Variants in ECT2 observed in about 807,000 individuals in gnomAD.
ECT2 encodes epithelial cell transforming 2, also known as protein ECT2.
Under a neutral mutation model 116.9 loss-of-function variants are expected in ECT2, and 61 were observed. The ratio of observed to expected loss-of-function variants is 0.52; its 90% confidence interval spans 0.42 to 0.65. ECT2 has a LOEUF of 0.65. Ranked by LOEUF, ECT2 falls within the 30% of genes least tolerant of loss-of-function variation. ECT2 has a pLI of 0.00. For missense variants in ECT2, 937 were observed against 1,078.7 expected (o/e 0.87, Z 1.84); for synonymous variants, 358 against 346.4 (o/e 1.03, Z -0.37).
rs763093302 is a variant in ECT2 at position 172,786,472 on chromosome 3, A to G, written c.1826-21A>G. On this transcript the variant is annotated intron_variant, in intron 17 of 24. Transcript: ENST00000392692. Reference sequence around the variant, plus strand: ...AATCACTGAATTTTTTATGCATGGAAAAAACATTGTATTATTACAGATCTT... The same window carrying G: ...AATCACTGAATTTTTTATGCATGGAGAAAACATTGTATTATTACAGATCTT... 8.4e-6 allele frequency: 13 copies of G among 1,547,344 alleles called. No individual in the cohort carries two copies. In the Admixed American group the frequency reaches 2.2e-4, roughly 26 times the overall value.
intron 13 of ECT2, among the ~76,000 whole-genome samples, chr3:172,769,460 TGATA>T (rs1217433456): frequency 6.6e-6 from 1 of 152,162 alleles, no homozygotes; most frequent in African/African-American, 2.4e-5. Flanking sequence ...TATTTGGAAG[TGATA>T]GATAACTTTT....
At chr3:172,793,530 C>T (rs1725061321) in intron 18 of ECT2, among the ~76,000 whole-genome samples, 1 of 152,020 alleles carries the variant, frequency 6.6e-6, no homozygotes, top group Admixed American at 6.5e-5. Flanking sequence ...GTGGCGCGAT[C>T]TCTGCTCACT....
chr3:172,800,855 A>T (rs1726582467), intron 18 of ECT2, among the ~76,000 whole-genome samples: 1 of 152,202 alleles, frequency 6.6e-6, no homozygotes, highest in Non-Finnish European at 1.5e-5. Flanking sequence ...TGATTACAAG[A>T]AAATCTTGAA....
intron 14 of ECT2, among the ~76,000 whole-genome samples, chr3:172,777,263 T>C: frequency 6.6e-6 from 1 of 152,186 alleles, no homozygotes; most frequent in East Asian, 1.9e-4. Flanking sequence ...CTCATGAAGT[T>C]GGGCAAACTA....
chr3:172,802,900 G>A lies in ECT2; in HGVS notation c.2026G>A (p.Val676Ile). 2.5e-6 allele frequency: 4 copies of A among 1,613,274 alleles called. No individual in the cohort carries two copies. Among genetic ancestry groups the A allele is most frequent in the Non-Finnish European group, 3.4e-6 (4 of 1,179,558 alleles). ...TTCTCACCGAAGCTTAGTACAGCGG[G>A]TTGAAACAATTTCTCTAGGTGAGCA... ...LSSHRSLVQR[V>I]ETISLGEHPC... The change falls in exon 20 of 25, where the codon GTT (valine) becomes ATT (isoleucine). Residue 676 changes from valine to isoleucine, a missense_variant. By Grantham distance (29) the Val-to-Ile change is conservative. Transcript: ENST00000392692.
At chr3:172,758,936 C>G (rs751710199) in intron 5 of ECT2, 44 bp from the exon 6 acceptor site, 4 of 1,461,254 alleles carry the variant, frequency 2.7e-6, no homozygotes, top group Middle Eastern at 1.7e-4. Flanking sequence ...GTTGTATTTT[C>G]TACTAAAGAG....
chr3:172,758,818 G>A (rs560353313), intron 5 of ECT2, among the ~76,000 whole-genome samples, 162 bp from the exon 6 acceptor site: 3 of 152,240 alleles, frequency 2.0e-5, no homozygotes, highest in African/African-American at 7.2e-5. Flanking sequence ...GCAATCTGTC[G>A]TTTTGCTGTT....
At chr3:172,760,334 C>A (rs1286217289) in intron 7 of ECT2, 71 bp downstream of exon 7, 3 of 780,692 alleles carry the variant, frequency 3.8e-6, no homozygotes, top group African/African-American at 3.7e-5. Flanking sequence ...TAATAGCAGT[C>A]TTTTATCTAT....
rs1294531373 is a variant in ECT2, at chr3:172,776,191, G to GTT, written c.1548+2174_1548+2175dup. 4.2e-4 allele frequency among the ~76,000 whole-genome samples: 45 copies of GTT among 106,970 alleles called. 1 individual carries two copies. The highest frequency in any genetic ancestry group is 1.8e-3 in the African/African-American group (44 of 24,892). The allele number at this position is 106,970 out of a possible 152,430, so 70.2% of individuals were successfully genotyped here. A position where few individuals can be genotyped will look rare whatever the true frequency, so the allele number is the denominator to read the frequency against. The stretch of plus-strand genomic sequence containing the variant: ...TGGTACTTCAACTATTAGTTTTTCA[G>GTT]TTTTTTCTTTTTTTTTTTTTTTTTT... On this transcript the variant is annotated intron_variant, in intron 14 of 24. Transcript: ENST00000392692.
At chr3:172,788,832 G>T (rs921746206) in intron 18 of ECT2, among the ~76,000 whole-genome samples, 1 of 152,124 alleles carries the variant, frequency 6.6e-6, no homozygotes, top group Non-Finnish European at 1.5e-5. Context: ...GGCTGAGGCG[G>T]GTGGATCACG....
chr3:172,762,707 G>A lies in ECT2; in HGVS notation c.906G>A (p.Pro302=), dbSNP rs34623300. 172 of 1,610,750 alleles carry A rather than the reference G, an allele frequency of 1.1e-4. No individual in the cohort carries two copies. The highest frequency in any genetic ancestry group is 8.9e-4 in the South Asian group (80 of 90,160). Residue 302 remains proline, a synonymous_variant, in exon 10 of 25, where the codon CCG becomes CCA. Coordinates refer to ENST00000392692, the MANE Select transcript of ECT2 (RefSeq NM_001258315.2). ...MTEMQGGKYL[P]LGDERCTHLV... ...CCTTTTTAGGAGGTAAATATTTACC[G>A]CTTGGAGATGAAAGATGCACTCACC...
chr3:172,763,693 C>T (rs1008502720), intron 11 of ECT2, among the ~76,000 whole-genome samples: 6 of 152,114 alleles, frequency 3.9e-5, no homozygotes, highest in African/African-American at 1.2e-4. Flanking sequence ...TAGTATCACT[C>T]ACCAAAATGA....
downstream of ECT2, among the ~76,000 whole-genome samples, chr3:172,825,783 C>T (rs1397060155): frequency 6.6e-6 from 1 of 152,204 alleles, no homozygotes; most frequent in Non-Finnish European, 1.5e-5. Flanking sequence ...AGGGAAGCTG[C>T]AGCAAGTTAT....
intron 18 of ECT2, among the ~76,000 whole-genome samples, chr3:172,798,518 G>A (rs1475769154): frequency 6.6e-6 from 1 of 152,080 alleles, no homozygotes; most frequent in Non-Finnish European, 1.5e-5. Context: ...TACTAATCGA[G>A]ATCAAGCAGA....
intron 3 of ECT2, 53 bp downstream of exon 3, chr3:172,755,427 G>C (rs1224662032): frequency 1.9e-6 from 3 of 1,545,004 alleles, no homozygotes; most frequent in Admixed American, 4.0e-5. Flanking sequence ...TCTTCCATCA[G>C]TGTGTAAATA....
rs1453921048 is a variant in ECT2 at position 172,757,057 on chromosome 3, T to C, written c.378T>C (p.Asn126=). ...GTTTGGATTCTCCGGAATTTGAAAATGTATTTGTAGTCACGGACTTTCAGG... is the reference window on the plus strand; with the variant it reads ...GTTTGGATTCTCCGGAATTTGAAAACGTATTTGTAGTCACGGACTTTCAGG... ...FEGLDSPEFE[N]VFVVTDFQDS... The change falls in exon 5 of 25, where the codon AAT becomes AAC. Residue 126 remains asparagine, a synonymous_variant. Transcript: ENST00000392692. The C allele has an allele frequency of 1.9e-6, 3 of 1,611,568 alleles. No homozygotes were observed. Among genetic ancestry groups the C allele is most frequent in the Admixed American group, 3.4e-5 (2 of 59,428 alleles).
chr3:172,767,180 C>A (rs1036463952), intron 12 of ECT2, among the ~76,000 whole-genome samples: 2 of 152,148 alleles, frequency 1.3e-5, no homozygotes, highest in Non-Finnish European at 2.9e-5. Context: ...CGGTGGCCCA[C>A]GCCTGTAATC....
intron 9 of ECT2, 69 bp downstream of exon 9, chr3:172,762,615 C>A: frequency 6.3e-7 from 1 of 1,575,918 alleles, no homozygotes. Flanking sequence ...ACTTCCTGGT[C>A]AATATACCTC....
At chr3:172,765,945 C>T (rs907766832) in intron 12 of ECT2, among the ~76,000 whole-genome samples, 28 of 152,338 alleles carry the variant, frequency 1.8e-4, no homozygotes, top group African/African-American at 6.3e-4. Context: ...AGTTAAATCC[C>T]TCCACTCCTT....
Sources: gnomAD v4.1 joint callset for allele counts (sites outside exome capture counted in the v4.1 genomes callset) on GRCh38, gnomAD v4.1.1 for gene constraint, MANE v1.5 for transcripts, NCBI Gene and HGNC (gene_info 2026-07-23, HGNC 2026-07-21) for gene names.